Variants in PALLD observed in about 807,000 individuals in gnomAD.
PALLD encodes palladin, cytoskeletal associated protein.
PALLD carries 61 observed loss-of-function variants against 123.5 expected under a neutral mutation model. That is an observed-to-expected ratio of 0.49 (90% CI 0.40 to 0.61). The LOEUF is 0.61. Among genes scored for constraint, PALLD ranks in the 20% least tolerant of loss-of-function variants. The probability of loss-of-function intolerance (pLI) is 0.00; values close to 1 mark genes in which losing one functional copy is unlikely to be tolerated. For missense variants in PALLD, 1,273 were observed against 1,377.0 expected (o/e 0.92, Z 1.20); for synonymous variants, 465 against 496.4 (o/e 0.94, Z 0.84).
chr4:168,621,439 A>C (rs1346354314), intron 2 of PALLD, among the ~76,000 whole-genome samples: 1 of 152,220 alleles, frequency 6.6e-6, no homozygotes, highest in Non-Finnish European at 1.5e-5. Context: ...TGGGGCCGCT[A>C]CGTGACACAA....
chr4:168,657,813 G>T (rs1267528517), intron 2 of PALLD, among the ~76,000 whole-genome samples: 1 of 152,150 alleles, frequency 6.6e-6, no homozygotes, highest in Non-Finnish European at 1.5e-5. Flanking sequence ...AAGCCCATTT[G>T]CATAATAAGA....
At chr4:168,520,298 G>C (rs6847686) in intron 2 of PALLD, among the ~76,000 whole-genome samples, 104,797 of 141,922 alleles carry the variant, frequency 0.74, 38,902 homozygotes, top group East Asian at 0.86. Context: ...TGCACTCCAG[G>C]CTGGGTGACA....
intron 2 of PALLD, among the ~76,000 whole-genome samples, chr4:168,652,251 CT>C (rs1778127813): frequency 6.6e-6 from 1 of 151,954 alleles, no homozygotes; most frequent in Non-Finnish European, 1.5e-5. Flanking sequence ...AAGAAGAATG[CT>C]GAAAAATCAG....
intron 15 of PALLD, among the ~76,000 whole-genome samples, chr4:168,910,010 C>G (rs1758583092): frequency 6.6e-6 from 1 of 152,076 alleles, no homozygotes. Context: ...CTCCTGAAGA[C>G]CACACCTTCC....
At chr4:168,879,578 T>A (rs560179439) in intron 10 of PALLD, among the ~76,000 whole-genome samples, 53 of 152,346 alleles carry the variant, frequency 3.5e-4, no homozygotes, top group Non-Finnish European at 3.4e-4. Context: ...TAGGATACAC[T>A]AATGCCACCT....
chr4:168,914,667 G>C (rs1385343233), intron 16 of PALLD, among the ~76,000 whole-genome samples: 1 of 152,166 alleles, frequency 6.6e-6, no homozygotes, highest in Non-Finnish European at 1.5e-5. Context: ...AAAAAATTCA[G>C]TAAGTCAACC....
chr4:168,909,505 A>C (rs1758468323), intron 15 of PALLD, among the ~76,000 whole-genome samples: 1 of 152,198 alleles, frequency 6.6e-6, no homozygotes, highest in African/African-American at 2.4e-5. Context: ...GGAATGGAAA[A>C]GTAACACACA....
chr4:168,757,147 T>C (rs1232697768), intron 10 of PALLD, among the ~76,000 whole-genome samples: 2 of 152,074 alleles, frequency 1.3e-5, no homozygotes, highest in Non-Finnish European at 2.9e-5. Flanking sequence ...GGTAGGAAAG[T>C]AGACACCATG....
chr4:168,775,582 A>G (rs6841145), intron 10 of PALLD, among the ~76,000 whole-genome samples: 54,086 of 152,000 alleles, frequency 0.36, 10,470 homozygotes, highest in East Asian at 0.55. Flanking sequence ...ATGCTTTGAT[A>G]TCTTATTAAA....
chr4:168,807,275 A>ACG (rs1740353858), intron 10 of PALLD, among the ~76,000 whole-genome samples: 1 of 149,554 alleles, frequency 6.7e-6, no homozygotes, highest in Middle Eastern at 3.5e-3. Flanking sequence ...ACACACACAC[A>ACG]CGCACACACA....
At chr4:168,535,840 G>A (rs1163800279) in intron 2 of PALLD, among the ~76,000 whole-genome samples, 1 of 152,114 alleles carries the variant, frequency 6.6e-6, no homozygotes, top group African/African-American at 2.4e-5. Context: ...GGGTAAGTGA[G>A]CAAAAGCAGG....
intron 10 of PALLD, among the ~76,000 whole-genome samples, chr4:168,765,193 A>G (rs1220875832): frequency 6.6e-6 from 1 of 152,232 alleles, no homozygotes; most frequent in Non-Finnish European, 1.5e-5. Context: ...ATGAGATCAC[A>G]TATGCAAAAC....
In PALLD at chr4:168,683,011, A is replaced by G; in HGVS notation, c.1168A>G (p.Thr390Ala). ...CCTATTTTCCAGAGCTCAAAAGAAAACAACTTCTGTTTCCTTGACAATAGG... is the reference window on the plus strand; with the variant it reads ...CCTATTTTCCAGAGCTCAAAAGAAAGCAACTTCTGTTTCCTTGACAATAGG... ...AGAMPQAQKKTTSVSLTIGSS... is the reference protein window; with the variant it reads ...AGAMPQAQKKATSVSLTIGSS... Residue 390 changes from threonine to alanine, a missense_variant, in exon 5 of 22, where the codon ACA becomes GCA. Thr to Ala is a moderately conservative substitution (Grantham distance 58, BLOSUM62 0). Around this residue, in one of 2 missense-constraint regions of PALLD, gnomAD observed 944 missense variants for 954.5 expected, o/e 0.99. Coordinates refer to ENST00000505667, the MANE Select transcript of PALLD (RefSeq NM_001166108.2). 6.2e-7 allele frequency: 1 copy of G among 1,609,130 alleles called. No individual in the cohort carries two copies. The highest frequency in any genetic ancestry group is 2.2e-5 in the East Asian group (1 of 44,848).
intron 2 of PALLD, among the ~76,000 whole-genome samples, chr4:168,573,808 T>A (rs1319442702): frequency 6.6e-6 from 1 of 152,128 alleles, no homozygotes; most frequent in African/African-American, 2.4e-5. Context: ...GGAAAAACAG[T>A]AACCCTGGTA....
chr4:168,755,842 T>A (rs537565030), intron 10 of PALLD: 2 of 182,270 alleles, frequency 1.1e-5, no homozygotes, highest in Non-Finnish European at 2.2e-5. Flanking sequence ...GTAATCAGAC[T>A]GTCCACATTC....
intron 2 of PALLD, among the ~76,000 whole-genome samples, chr4:168,589,490 C>T (rs1472694768): frequency 6.6e-6 from 1 of 151,054 alleles, no homozygotes; most frequent in Non-Finnish European, 1.5e-5. Flanking sequence ...GTTCTATAAC[C>T]GTGAAATCTT....
At chr4:168,610,373 G>A (rs776435432) in intron 2 of PALLD, among the ~76,000 whole-genome samples, 28 of 152,168 alleles carry the variant, frequency 1.8e-4, no homozygotes, top group Non-Finnish European at 2.9e-4. Flanking sequence ...AGATGCTCAG[G>A]TGCTACTCTC....
At chr4:168,670,500 G>C (rs896609139) in intron 3 of PALLD, among the ~76,000 whole-genome samples, 2 of 149,082 alleles carry the variant, frequency 1.3e-5, no homozygotes, top group African/African-American at 5.0e-5. Context: ...TTGGGAGGCC[G>C]AGGCGGGTGG....
At chr4:168,661,560 T>G (rs561462107) in intron 2 of PALLD, among the ~76,000 whole-genome samples, 66 of 152,380 alleles carry the variant, frequency 4.3e-4, no homozygotes, top group Admixed American at 1.2e-3. Flanking sequence ...TGGTTTATTC[T>G]TATATTAGCA....
Sources: gnomAD v4.1 joint callset for allele counts (sites outside exome capture counted in the v4.1 genomes callset) on GRCh38, gnomAD v4.1.1 for gene constraint, gnomAD v4.1.1 regional missense constraint, MANE v1.5 for transcripts, NCBI Gene and HGNC (gene_info 2026-07-23, HGNC 2026-07-21) for gene names.